The following CTNNBL1 variants were observed in gnomAD, a reference collection of about 807,000 sequenced individuals.
The protein encoded by CTNNBL1 is catenin beta like 1, also known as beta-catenin-like protein 1.
A neutral mutation model predicts 72.7 loss-of-function variants in CTNNBL1; 31 were observed. The observed-to-expected ratio is 0.43, with a 90% CI of 0.32 to 0.58. The LOEUF is 0.58. Among genes scored for constraint, CTNNBL1 ranks in the 20% least tolerant of loss-of-function variants. CTNNBL1 has a pLI of 0.08. For missense variants in CTNNBL1, 534 were observed against 725.1 expected, an observed-to-expected ratio of 0.74 and a Z score of 3.03; for synonymous variants, 240 against 267.3, an observed-to-expected ratio of 0.90 and a Z score of 1.00.
intron 1 of CTNNBL1, among the ~76,000 whole-genome samples, chr20:37,703,847 G>A (rs573718260): frequency 1.3e-5 from 2 of 150,684 alleles, no homozygotes; most frequent in South Asian, 2.1e-4. Flanking sequence ...GCATGATCTC[G>A]GCTCACTGCA....
At chr20:37,813,332 G>T (rs2072028645) in intron 11 of CTNNBL1, among the ~76,000 whole-genome samples, 1 of 152,174 alleles carries the variant, frequency 6.6e-6, no homozygotes, top group Non-Finnish European at 1.5e-5. Flanking sequence ...GACGGTACTG[G>T]TGCCCTGGTA....
chr20:37,808,060 C>T (rs1316159562), intron 11 of CTNNBL1, among the ~76,000 whole-genome samples: 1 of 152,098 alleles, frequency 6.6e-6, no homozygotes, highest in Non-Finnish European at 1.5e-5. Context: ...ACACAGTTCC[C>T]CTGGAGGCTG....
chr20:37,792,760 C>G (rs987476699), intron 10 of CTNNBL1, among the ~76,000 whole-genome samples: 1 of 152,158 alleles, frequency 6.6e-6, no homozygotes, highest in Non-Finnish European at 1.5e-5. Flanking sequence ...CTAAGGGATA[C>G]TCAACCTGTA....
intron 2 of CTNNBL1, among the ~76,000 whole-genome samples, chr20:37,734,159 G>A (rs1356625742): frequency 6.6e-6 from 1 of 152,232 alleles, no homozygotes; most frequent in Non-Finnish European, 1.5e-5. Flanking sequence ...GAGGTTGGCT[G>A]TGAATCTGAG....
At chr20:37,744,463 G>A (rs1173411267) in intron 3 of CTNNBL1, among the ~76,000 whole-genome samples, 1 of 152,222 alleles carries the variant, frequency 6.6e-6, no homozygotes, top group Non-Finnish European at 1.5e-5. Flanking sequence ...GACAAAGGGG[G>A]ATTGGTTAAT....
Position 37,727,927 on chromosome 20 carries a change from T to C in CTNNBL1, c.31-4952T>C, listed in dbSNP as rs377285514. On this transcript the variant is annotated intron_variant, in intron 1 of 15. Transcript: ENST00000361383. ...CAGTCACTCTCTCAGTGGTGACTAT[T>C]GGGTAAATATAAATTAGGAAGTTTA... is the stretch of plus-strand genomic sequence containing the variant. 2.0e-5 allele frequency among the ~76,000 whole-genome samples: 3 copies of C among 152,242 alleles called. No homozygotes were observed. In the East Asian group the frequency reaches 5.8e-4, roughly 29 times the overall value.
At chr20:37,837,804 C>A (rs1163545305) in intron 11 of CTNNBL1, among the ~76,000 whole-genome samples, 1 of 152,206 alleles carries the variant, frequency 6.6e-6, no homozygotes, top group African/African-American at 2.4e-5. Context: ...TCCCAAAACA[C>A]CTACCATGTG....
At chr20:37,741,011 G>A (rs1432418773) in intron 3 of CTNNBL1, among the ~76,000 whole-genome samples, 1 of 152,156 alleles carries the variant, frequency 6.6e-6, no homozygotes, top group Non-Finnish European at 1.5e-5. Context: ...TTTGAACTTT[G>A]CTGGTCATTT....
intron 11 of CTNNBL1, among the ~76,000 whole-genome samples, chr20:37,807,521 G>T (rs144105578): frequency 6.2e-4 from 94 of 152,308 alleles, no homozygotes; most frequent in African/African-American, 2.2e-3. Flanking sequence ...ATGCTAAGTA[G>T]TGAGTGACAT....
chr20:37,696,323 C>T (rs2072790893), intron 1 of CTNNBL1, among the ~76,000 whole-genome samples: 1 of 151,618 alleles, frequency 6.6e-6, no homozygotes, highest in Admixed American at 6.6e-5. Context: ...AGCCACTAGG[C>T]ACATGTGATT....
Position 37,837,911 on chromosome 20 carries a change from T to C in CTNNBL1, c.1214-2191T>C, listed in dbSNP as rs543290917. Among the ~76,000 whole-genome samples the C allele has an allele frequency of 3.2e-4, 33 of 102,764 alleles. No homozygotes were observed. In the South Asian group the frequency reaches 0.013, roughly 41 times the overall value. The allele number at this position is 102,764 out of a possible 152,430, so 67.4% of individuals were successfully genotyped here. On this transcript the variant is annotated intron_variant, in intron 11 of 15. Transcript: ENST00000361383. ...TTGTATTCTAATTGAAGGGAGATGG[T>C]GAACAAAACAAATAAACAAAATACA... is the stretch of plus-strand genomic sequence containing the variant.
At chr20:37,789,032 T>A (rs1191669001) in intron 10 of CTNNBL1, among the ~76,000 whole-genome samples, 2 of 152,148 alleles carry the variant, frequency 1.3e-5, no homozygotes, top group East Asian at 3.8e-4. Flanking sequence ...AAGAAAAGAT[T>A]GTTGAGGTGA....
intron 3 of CTNNBL1, among the ~76,000 whole-genome samples, chr20:37,741,296 A>G (rs2073213862): frequency 6.6e-6 from 1 of 152,236 alleles, no homozygotes; most frequent in Non-Finnish European, 1.5e-5. Context: ...GAGTAGGCTC[A>G]TGAGTAGGCT....
rs74794128 is a variant in CTNNBL1, at chr20:37,841,769, T to G, written c.1312-570T>G. 8.1e-3 allele frequency among the ~76,000 whole-genome samples: 1,241 copies of G among 152,332 alleles called. 17 individuals carry two copies. Among genetic ancestry groups the G allele is most frequent in the African/African-American group, 0.028 (1,174 of 41,572 alleles). ...TGTTTGAAGCATGACTTTGCTCAAC[T>G]TAAAACTGATTTTTAAGTTATTGCC... On this transcript the variant is annotated intron_variant, in intron 12 of 15. Coordinates refer to ENST00000361383, the MANE Select transcript of CTNNBL1 (RefSeq NM_030877.5).
At chr20:37,739,451 T>C (rs1600455122) in intron 3 of CTNNBL1, among the ~76,000 whole-genome samples, 1 of 152,324 alleles carries the variant, frequency 6.6e-6, no homozygotes, top group East Asian at 1.9e-4. Flanking sequence ...CATTTGATTA[T>C]TTTAAAATCG....
intron 3 of CTNNBL1, among the ~76,000 whole-genome samples, chr20:37,745,289 G>T (rs2073253125): frequency 6.6e-6 from 1 of 152,146 alleles, no homozygotes; most frequent in African/African-American, 2.4e-5. Flanking sequence ...GATGAGTCCT[G>T]TGTGACTTCA....
intron 10 of CTNNBL1, among the ~76,000 whole-genome samples, chr20:37,786,717 G>T (rs1329831943): frequency 6.6e-6 from 1 of 151,464 alleles, no homozygotes; most frequent in South Asian, 2.1e-4. Context: ...TTCCAAGTTT[G>T]TGAGTTAAAC....
At chr20:37,804,904 T>C (rs1293185249) in intron 11 of CTNNBL1, among the ~76,000 whole-genome samples, 4 of 152,216 alleles carry the variant, frequency 2.6e-5, no homozygotes, top group Non-Finnish European at 5.9e-5. Flanking sequence ...GTGAGGGCAA[T>C]GGCTTGGTAA....
chr20:37,854,891 G>A (rs996238266), intron 13 of CTNNBL1, among the ~76,000 whole-genome samples: 7 of 151,780 alleles, frequency 4.6e-5, no homozygotes, highest in African/African-American at 1.5e-4. Context: ...GCCTGGCCCC[G>A]CTTCTCAATA....
Sources: allele counts gnomAD v4.1 joint callset (sites outside exome capture counted in the v4.1 genomes callset), GRCh38; gene constraint gnomAD v4.1.1; transcripts MANE v1.5; gene names NCBI Gene and HGNC (gene_info 2026-07-23, HGNC 2026-07-21).